The following DISC1 variants were observed in gnomAD, a reference collection of about 807,000 sequenced individuals.
DISC1 encodes DISC1 scaffold protein.
Under a neutral mutation model 84.5 loss-of-function variants are expected in DISC1, and 57 were observed. The observed-to-expected ratio is 0.67, with a 90% CI of 0.55 to 0.84. The LOEUF (loss-of-function observed/expected upper bound fraction) is 0.84. Among genes scored for constraint, DISC1 ranks in the 40% least tolerant of loss-of-function variants. The probability of loss-of-function intolerance (pLI) is 0.00; values close to 1 mark genes in which losing one functional copy is unlikely to be tolerated. For synonymous variants in DISC1, 411 were observed against 415.2 expected, an observed-to-expected ratio of 0.99 and a Z score of 0.12; for missense variants, 1,000 against 1,057.8, an observed-to-expected ratio of 0.95 and a Z score of 0.76.
Position 231,897,499 on chromosome 1 carries a change from AC to A in DISC1, c.1982-61328del, listed in dbSNP as rs1249465037. On this transcript the variant is annotated intron_variant, in intron 9 of 12. Coordinates refer to ENST00000439617, the MANE Select transcript of DISC1 (RefSeq NM_018662.3). This position sits in a 1 kb window ranked among gnomAD's most constrained non-coding sequence, Gnocchi z 4.5. ...TATTTCTTTCACACATACAGCGCAG[AC>A]TAAATCGTCTTTTTCTTTATCTTTT... 2.6e-5 allele frequency among the ~76,000 whole-genome samples: 4 copies of A among 152,064 alleles called. No individual in the cohort carries two copies. The highest frequency in any genetic ancestry group is 9.7e-5 in the African/African-American group (4 of 41,428).
chr1:231,776,849 A>G lies in DISC1; in HGVS notation c.1634+5779A>G, dbSNP rs536536277. ...GCCTGAATTGGAAAACTGATCCTGAATCTAGGATCCTGGTAGAGATTCTCA... is the reference window on the plus strand; with the variant it reads ...GCCTGAATTGGAAAACTGATCCTGAGTCTAGGATCCTGGTAGAGATTCTCA... On this transcript the variant is annotated intron_variant, in intron 6 of 12. Transcript: ENST00000439617. 3.9e-5 allele frequency among the ~76,000 whole-genome samples: 6 copies of G among 152,300 alleles called. No individual in the cohort carries two copies. The East Asian group carries it at 9.7e-4, about 25-fold the overall frequency.
chr1:231,745,046 A>AT (rs1346040353), intron 3 of DISC1, among the ~76,000 whole-genome samples: 3 of 141,564 alleles, frequency 2.1e-5, no homozygotes, highest in African/African-American at 8.2e-5. Flanking sequence ...TGTAATTAAA[A>AT]TTTTTTTAAA....
intron 4 of DISC1, among the ~76,000 whole-genome samples, chr1:231,766,670 A>G (rs1301819426): frequency 6.6e-6 from 1 of 152,240 alleles, no homozygotes; most frequent in African/African-American, 2.4e-5. Context: ...AGATCTTGTT[A>G]TATTTCCCCA....
At chr1:231,988,899 A>G (rs1664819770) in intron 10 of DISC1, among the ~76,000 whole-genome samples, 1 of 152,194 alleles carries the variant, frequency 6.6e-6, no homozygotes, top group Non-Finnish European at 1.5e-5. Flanking sequence ...GGAGCCCCCA[A>G]GTGCCATGTG....
chr1:231,640,915 G>A (rs530664206), intron 1 of DISC1, among the ~76,000 whole-genome samples: 5 of 152,212 alleles, frequency 3.3e-5, no homozygotes, highest in Non-Finnish European at 4.4e-5. Context: ...GACTAGTATA[G>A]ACTCTCCCAA....
intron 3 of DISC1, among the ~76,000 whole-genome samples, chr1:231,737,354 ATAT>A (rs1201298626): frequency 1.3e-5 from 2 of 152,244 alleles, no homozygotes; most frequent in East Asian, 3.8e-4. Flanking sequence ...CATATTTCTA[ATAT>A]TATTGCTGTT....
chr1:231,915,638 C>T (rs966129466), intron 9 of DISC1, among the ~76,000 whole-genome samples: 1 of 152,092 alleles, frequency 6.6e-6, no homozygotes, highest in African/African-American at 2.4e-5. Flanking sequence ...AATAGCCAGG[C>T]GTGGTGGCAG....
chr1:231,938,931 A>G (rs1394852797), intron 9 of DISC1, among the ~76,000 whole-genome samples: 4 of 152,050 alleles, frequency 2.6e-5, no homozygotes, highest in East Asian at 1.9e-4. Flanking sequence ...GTCAGTCTGG[A>G]TTCTTTCCTC....
intron 1 of DISC1, among the ~76,000 whole-genome samples, chr1:231,633,096 T>C (rs2125103530): frequency 6.6e-6 from 1 of 152,136 alleles, no homozygotes; most frequent in East Asian, 1.9e-4. Context: ...AAAAACCACG[T>C]AGATTTTCAA....
chr1:231,654,783 A>G (rs2060923710), intron 1 of DISC1, among the ~76,000 whole-genome samples: 1 of 152,110 alleles, frequency 6.6e-6, no homozygotes, highest in African/African-American at 2.4e-5. Flanking sequence ...CCAATAGCAA[A>G]TCCCTAAGTT....
chr1:231,978,674 T>G (rs1348501209), intron 10 of DISC1, among the ~76,000 whole-genome samples: 2 of 152,226 alleles, frequency 1.3e-5, no homozygotes, highest in African/African-American at 2.4e-5. Context: ...CTTTAGCCAA[T>G]GAGAGCCCCT....
intron 12 of DISC1, among the ~76,000 whole-genome samples, chr1:232,026,762 C>CTTTT (rs545455868): frequency 7.1e-4 from 79 of 110,840 alleles, no homozygotes; most frequent in Admixed American, 1.0e-3. Context: ...TTTCTTTTTT[C>CTTTT]TTTTTTTTTT....
chr1:231,781,700 A>T (rs1461545920), intron 6 of DISC1, among the ~76,000 whole-genome samples: 3 of 151,984 alleles, frequency 2.0e-5, no homozygotes, highest in African/African-American at 7.3e-5. Context: ...CCCTTTATCA[A>T]ATTCTCTTAT....
chr1:231,793,698 A>G (rs191510007), intron 6 of DISC1, among the ~76,000 whole-genome samples: 45 of 152,278 alleles, frequency 3.0e-4, no homozygotes, highest in African/African-American at 1.0e-3. Flanking sequence ...CACTTCTTTC[A>G]TATTGCTCTC....
chr1:232,017,119 A>T (rs1039507691), intron 11 of DISC1, among the ~76,000 whole-genome samples: 4 of 152,258 alleles, frequency 2.6e-5, no homozygotes, highest in African/African-American at 9.6e-5. Context: ...AAAGAAAGAC[A>T]AAACCATATC....
At chr1:231,701,219 A>G (rs1438111413) in intron 2 of DISC1, among the ~76,000 whole-genome samples, 4 of 151,658 alleles carry the variant, frequency 2.6e-5, no homozygotes, top group Non-Finnish European at 4.4e-5. Flanking sequence ...ATCAGATCTC[A>G]TGAGACATAT....
intron 9 of DISC1, among the ~76,000 whole-genome samples, chr1:231,839,170 G>A (rs186400578): frequency 2.6e-4 from 39 of 152,282 alleles, no homozygotes; most frequent in African/African-American, 8.2e-4. Context: ...TTAGGGAAGA[G>A]GAGAGCACAG....
intron 1 of DISC1, among the ~76,000 whole-genome samples, chr1:231,633,884 CT>C (rs547057206): frequency 1.3e-3 from 175 of 135,360 alleles, no homozygotes; most frequent in Admixed American, 1.6e-3. Context: ...TACCTGTCAT[CT>C]TTTTTTTTTT....
At chr1:231,927,206 CT>C (rs1421462126) in intron 9 of DISC1, among the ~76,000 whole-genome samples, 6 of 152,200 alleles carry the variant, frequency 3.9e-5, no homozygotes, top group Non-Finnish European at 7.3e-5. Flanking sequence ...GTTTCCACCC[CT>C]GTGGCCATGC....
Sources: allele counts gnomAD v4.1 joint callset (sites outside exome capture counted in the v4.1 genomes callset), GRCh38; gene constraint gnomAD v4.1.1; non-coding constraint Gnocchi (gnomAD v3.1); transcripts MANE v1.5; gene names NCBI Gene and HGNC (gene_info 2026-07-23, HGNC 2026-07-21).